H2BN1: variants seen among roughly 807,000 people sequenced by gnomAD.
The protein encoded by H2BN1 is H2B.N variant histone 1, also known as histone H2B.N.
the H2BN1 span, among the ~76,000 whole-genome samples, chr17:32,905,135 G>A: frequency 6.6e-6 from 1 of 152,172 alleles, no homozygotes; most frequent in Admixed American, 6.5e-5. Flanking sequence ...CCTCTTCCCT[G>A]CCGAGAGTGA....
At chr17:32,898,261 T>G in the H2BN1 span, among the ~76,000 whole-genome samples, 341 of 152,240 alleles carry the variant, frequency 2.2e-3, 1 homozygote, top group African/African-American at 8.0e-3. Flanking sequence ...ACATGAGACA[T>G]CAATCAATAT....
the H2BN1 span, among the ~76,000 whole-genome samples, chr17:32,903,248 G>A: frequency 7.6e-4 from 115 of 151,702 alleles, 2 homozygotes; most frequent in East Asian, 7.3e-3. Flanking sequence ...GCATGCCAGT[G>A]GAAGTACTTC....
At chr17:32,903,191 T>TTA in the H2BN1 span, among the ~76,000 whole-genome samples, 3 of 151,390 alleles carry the variant, frequency 2.0e-5, no homozygotes, top group South Asian at 4.1e-4. Context: ...TAGTGAAATA[T>TTA]TATATATATA....
At chr17:32,901,214 A>AT in the H2BN1 span, among the ~76,000 whole-genome samples, 532 of 150,120 alleles carry the variant, frequency 3.5e-3, 7 homozygotes, top group Non-Finnish European at 7.9e-4. Flanking sequence ...GTCAAAAAAA[A>AT]TTTTTTTTTT....
At chr17:32,904,565 A>G in the H2BN1 span, among the ~76,000 whole-genome samples, 2 of 152,200 alleles carry the variant, frequency 1.3e-5, no homozygotes, top group Admixed American at 1.3e-4. Flanking sequence ...ACAGACCTTT[A>G]GACCTAAGAA....
At chr17:32,896,006 T>C in the H2BN1 span, among the ~76,000 whole-genome samples, 1 of 152,278 alleles carries the variant, frequency 6.6e-6, no homozygotes, top group East Asian at 1.9e-4. Flanking sequence ...CAAATGATTC[T>C]TCCACCTCAA....
the H2BN1 span, among the ~76,000 whole-genome samples, chr17:32,896,424 T>A: frequency 6.6e-6 from 1 of 152,118 alleles, no homozygotes; most frequent in Non-Finnish European, 1.5e-5. Flanking sequence ...TAGAAAACAA[T>A]CAGGAAAATC....
chr17:32,902,485 G>T, the H2BN1 span, among the ~76,000 whole-genome samples: 1 of 152,192 alleles, frequency 6.6e-6, no homozygotes, highest in South Asian at 2.1e-4. Flanking sequence ...TAGGAGTTAT[G>T]GTAATCTTAC....
At chr17:32,905,793 G>C in the H2BN1 span, 1 of 152,154 alleles carries the variant, frequency 6.6e-6, no homozygotes, top group Non-Finnish European at 1.5e-5. Flanking sequence ...GGTAAGAGAC[G>C]AGTGGTTGTA....
the H2BN1 span, among the ~76,000 whole-genome samples, chr17:32,897,047 G>A: frequency 6.6e-6 from 1 of 152,110 alleles, no homozygotes; most frequent in Admixed American, 6.6e-5. Flanking sequence ...CCAAGGCTTG[G>A]GTCTGTGGCT....
At chr17:32,902,850 A>G in the H2BN1 span, among the ~76,000 whole-genome samples, 1 of 152,148 alleles carries the variant, frequency 6.6e-6, no homozygotes, top group East Asian at 1.9e-4. Context: ...AAAAAAAAAA[A>G]AAGAAATTAC....
the H2BN1 span, among the ~76,000 whole-genome samples, chr17:32,897,980 A>G: frequency 2.6e-5 from 4 of 152,188 alleles, no homozygotes; most frequent in African/African-American, 9.7e-5. Flanking sequence ...ACCAAGTCAC[A>G]AAGGTTGAAG....
At chr17:32,897,856 G>C in the H2BN1 span, among the ~76,000 whole-genome samples, 3 of 152,202 alleles carry the variant, frequency 2.0e-5, no homozygotes, top group Non-Finnish European at 4.4e-5. Flanking sequence ...ATTGAGAAAT[G>C]TCAAAGTAAA....
chr17:32,898,439 T>C, the H2BN1 span, among the ~76,000 whole-genome samples: 1 of 152,206 alleles, frequency 6.6e-6, no homozygotes, highest in Non-Finnish European at 1.5e-5. Flanking sequence ...CAGATATGTA[T>C]ATATCTCAGT....
chr17:32,905,611 G>A, the H2BN1 span: 1 of 152,176 alleles, frequency 6.6e-6, no homozygotes, highest in African/African-American at 2.4e-5. Context: ...AGGAGGCTCT[G>A]ATGACATATG....
chr17:32,902,705 T>C, the H2BN1 span, among the ~76,000 whole-genome samples: 2 of 152,058 alleles, frequency 1.3e-5, no homozygotes. Flanking sequence ...CCAGGCGTGG[T>C]GGTGGGCACC....
chr17:32,905,856 T>C, the H2BN1 span: 7 of 152,196 alleles, frequency 4.6e-5, no homozygotes. Flanking sequence ...AATATGTATT[T>C]ATCTCAGTAG....
the H2BN1 span, chr17:32,905,865 A>G: frequency 6.6e-6 from 1 of 152,166 alleles, no homozygotes; most frequent in Non-Finnish European, 1.5e-5. Context: ...TTATCTCAGT[A>G]GAGGGGTGAC....
At chr17:32,905,207 T>G in the H2BN1 span, among the ~76,000 whole-genome samples, 1 of 152,168 alleles carries the variant, frequency 6.6e-6, no homozygotes, top group African/African-American at 2.4e-5. Flanking sequence ...AATCTTGCCT[T>G]CCTTGTTGGG....
Sources: allele counts gnomAD v4.1 joint callset (sites outside exome capture counted in the v4.1 genomes callset), GRCh38; gene constraint gnomAD v4.1.1; transcripts MANE v1.5; gene names NCBI Gene and HGNC (gene_info 2026-07-23, HGNC 2026-07-21).